The following DEFB1 variants were observed in gnomAD, a reference collection of about 807,000 sequenced individuals.
DEFB1 encodes beta-defensin 1.
DEFB1 carries 4 observed loss-of-function variants against 2.6 expected under a neutral mutation model. The observed-to-expected ratio is 1.53, with a 90% CI of 0.76 to 3.51. The LOEUF is 3.51. Ranked by LOEUF, DEFB1 falls within the 30% of genes most tolerant of loss-of-function variation. DEFB1 has a pLI of 0.01. For missense variants in DEFB1, 162 were observed against 76.9 expected, an observed-to-expected ratio of 2.11 and a Z score of -4.14; for synonymous variants, 56 against 28.5, an observed-to-expected ratio of 1.96 and a Z score of -3.07.
intron 1 of DEFB1, 34 bp downstream of exon 1, chr8:6,877,763 G>A (rs762887560): frequency 6.3e-7 from 1 of 1,596,302 alleles, no homozygotes; most frequent in South Asian, 1.1e-5. Flanking sequence ...CCCAGCCCTG[G>A]GGATGGGAAA....
intron 1 of DEFB1, among the ~76,000 whole-genome samples, 189 bp downstream of exon 1, chr8:6,877,608 C>G (rs533280079): frequency 3.3e-5 from 5 of 152,354 alleles, no homozygotes; most frequent in Admixed American, 2.0e-4. Context: ...CTTGGCGGCT[C>G]ACAGACCCTG....
chr8:6,873,739 A>G, intron 1 of DEFB1, among the ~76,000 whole-genome samples: 1 of 124,464 alleles, frequency 8.0e-6, no homozygotes, highest in East Asian at 2.4e-4. Flanking sequence ...TACCTGGGTG[A>G]CAAGATCACA....
chr8:6,876,709 G>T (rs62497569), intron 1 of DEFB1, among the ~76,000 whole-genome samples: 5 of 151,480 alleles, frequency 3.3e-5, no homozygotes, highest in Admixed American at 3.3e-4. Flanking sequence ...AGGCTGAGGT[G>T]GGAGGATGGC....
intron 1 of DEFB1, among the ~76,000 whole-genome samples, chr8:6,873,426 T>C (rs1454482419): frequency 1.3e-5 from 2 of 152,234 alleles, no homozygotes; most frequent in Admixed American, 1.3e-4. Flanking sequence ...GATTACATTC[T>C]GTGTTCCACA....
Position 6,870,796 on chromosome 8 carries a change from C to A in DEFB1, c.92G>T (p.Arg31Ile). The A allele has an allele frequency of 1.9e-6, 3 of 1,614,044 alleles. No individual in the cohort carries two copies. The highest frequency in any genetic ancestry group is 1.7e-6 in the Non-Finnish European group (2 of 1,179,958). ...GCTGACGCAATTGTAATGATCAGAT[C>A]TGTGGCCAAGGCCTGTGAGAAAGTT... Reference protein sequence around the residue: ...GGNFLTGLGHRSDHYNCVSSG... With the variant: ...GGNFLTGLGHISDHYNCVSSG... The change falls in exon 2 of 2, where the codon AGA becomes ATA. Residue 31 changes from arginine to isoleucine, a missense_variant. Arg to Ile is a moderately conservative substitution (Grantham distance 97). Coordinates refer to ENST00000297439, the MANE Select transcript of DEFB1 (RefSeq NM_005218.4).
chr8:6,875,652 T>C (rs993766019), intron 1 of DEFB1, among the ~76,000 whole-genome samples: 3 of 152,222 alleles, frequency 2.0e-5, no homozygotes, highest in African/African-American at 7.2e-5. Context: ...GGAACTCTTA[T>C]TCACTGCTTG....
chr8:6,871,009 C>G (rs1806291603), intron 1 of DEFB1, among the ~76,000 whole-genome samples, 183 bp from the exon 2 acceptor site: 2 of 152,252 alleles, frequency 1.3e-5, no homozygotes, highest in Admixed American at 1.3e-4. Flanking sequence ...CTTACTCAGT[C>G]TGGGGCTATG....
At chr8:6,872,303 C>T (rs1262412856) in intron 1 of DEFB1, among the ~76,000 whole-genome samples, 1 of 152,248 alleles carries the variant, frequency 6.6e-6, no homozygotes, top group East Asian at 1.9e-4. Context: ...CACATGCTCC[C>T]TGTGGCTGTT....
At chr8:6,873,090 G>T (rs1806381614) in intron 1 of DEFB1, among the ~76,000 whole-genome samples, 1 of 152,196 alleles carries the variant, frequency 6.6e-6, no homozygotes, top group African/African-American at 2.4e-5. Context: ...TTAAGCAGAG[G>T]AGGCCCAAAT....
At chr8:6,875,256 A>G (rs1234184071) in intron 1 of DEFB1, among the ~76,000 whole-genome samples, 5 of 152,222 alleles carry the variant, frequency 3.3e-5, no homozygotes, top group Admixed American at 3.3e-4. Context: ...ACGGAAAAAG[A>G]CATGACACAT....
At chr8:6,872,811 T>G (rs1806369889) in intron 1 of DEFB1, among the ~76,000 whole-genome samples, 1 of 152,172 alleles carries the variant, frequency 6.6e-6, no homozygotes, top group African/African-American at 2.4e-5. Context: ...TGACCTCAAG[T>G]AAGATCATGA....
intron 1 of DEFB1, among the ~76,000 whole-genome samples, chr8:6,875,855 T>C (rs183995498): frequency 6.8e-4 from 68 of 99,508 alleles, no homozygotes; most frequent in African/African-American, 2.6e-3. Flanking sequence ...TATTAATTAG[T>C]GTGGCAAAAG....
chr8:6,873,478 C>G (rs2978871), intron 1 of DEFB1, among the ~76,000 whole-genome samples: 25,525 of 152,230 alleles, frequency 0.17, 2,453 homozygotes, highest in Admixed American at 0.23. Context: ...CTCAACCTCT[C>G]TAGGCAGCAG....
In DEFB1 at chr8:6,877,876, C is replaced by G. The variant is rs1347617470; in HGVS notation, c.-19G>C. The G allele has an allele frequency of 1.9e-6, 3 of 1,613,458 alleles. No individual in the cohort carries two copies. In the African/African-American group the frequency reaches 4.0e-5, roughly 22 times the overall value. The stretch of plus-strand genomic sequence containing the variant: ...TTCTCATGGCGACTGGCAGGCAACA[C>G]CCAGGATTTCAGGAACTGGGGAGAC... On this transcript the variant is annotated 5_prime_UTR_variant, in exon 1 of 2. Coordinates refer to ENST00000297439, the MANE Select transcript of DEFB1 (RefSeq NM_005218.4).
intron 1 of DEFB1, among the ~76,000 whole-genome samples, chr8:6,873,904 A>T (rs2951854): frequency 0.82 from 125,328 of 152,170 alleles, 51,813 homozygotes; most frequent in Middle Eastern, 0.89. Flanking sequence ...GGAGCAGTCT[A>T]TGCTGCTTTC....
intron 1 of DEFB1, among the ~76,000 whole-genome samples, chr8:6,875,183 C>G (rs549016027): frequency 2.0e-5 from 3 of 151,848 alleles, no homozygotes; most frequent in African/African-American, 7.3e-5. Context: ...ATATTGGGGA[C>G]TATCTTCATG....
chr8:6,870,654 G>A lies in DEFB1; in HGVS notation c.*27C>T. 1 of 1,600,936 alleles carries A rather than the reference G, an allele frequency of 6.2e-7. No homozygotes were observed. On this transcript the variant is annotated 3_prime_UTR_variant, in exon 2 of 2. Transcript: ENST00000297439. The stretch of plus-strand genomic sequence containing the variant: ...CTTATAAAAAGTTCATTTCACTTCT[G>A]CGTCATTTCTTCTGGTCACTCCCAG...
chr8:6,875,099 CACACACA>C (rs1806476728), intron 1 of DEFB1, among the ~76,000 whole-genome samples: 1 of 151,500 alleles, frequency 6.6e-6, no homozygotes, highest in African/African-American at 2.4e-5. Context: ...CACACACACA[CACACACA>C]CACCCCATTG....
At chr8:6,877,392 A>G (rs1806571387) in intron 1 of DEFB1, among the ~76,000 whole-genome samples, 2 of 152,228 alleles carry the variant, frequency 1.3e-5, no homozygotes. Context: ...CACCTGTACC[A>G]GGGCACCCCA....
Sources: allele counts gnomAD v4.1 joint callset (sites outside exome capture counted in the v4.1 genomes callset), GRCh38; gene constraint gnomAD v4.1.1; transcripts MANE v1.5; gene names NCBI Gene and HGNC (gene_info 2026-07-23, HGNC 2026-07-21).